Variants in GABRA5 observed in about 807,000 individuals in gnomAD.
The protein encoded by GABRA5 is gamma-aminobutyric acid receptor subunit alpha-5.
A neutral mutation model predicts 47.3 loss-of-function variants in GABRA5; 18 were observed. The ratio of observed to expected loss-of-function variants is 0.38; its 90% confidence interval spans 0.26 to 0.56. The LOEUF is 0.56. Ranked by LOEUF, GABRA5 falls within the 20% of genes least tolerant of loss-of-function variation. The pLI, the probability that GABRA5 is intolerant of heterozygous loss-of-function variation, is 0.71. For synonymous variants in GABRA5, 237 were observed against 229.3 expected (o/e 1.03, Z -0.30); for missense variants, 365 against 599.3 (o/e 0.61, Z 4.08).
At chr15:26,933,673 G>T (rs1894162888) in intron 7 of GABRA5, among the ~76,000 whole-genome samples, 2 of 152,128 alleles carry the variant, frequency 1.3e-5, no homozygotes, top group Non-Finnish European at 2.9e-5. Flanking sequence ...TGATGGGAGT[G>T]TATCTTCACT....
At chr15:26,931,249 T>C (rs1421602628) in intron 7 of GABRA5, among the ~76,000 whole-genome samples, 1 of 152,122 alleles carries the variant, frequency 6.6e-6, no homozygotes, top group Admixed American at 6.5e-5. Context: ...ATACCAAATA[T>C]TGGGTAGCTC....
chr15:26,948,343 T>G lies in GABRA5; in HGVS notation c.*110T>G. The G allele has an allele frequency of 2.0e-6, 2 of 1,003,656 alleles. No homozygotes were observed. The highest frequency in any genetic ancestry group is 1.7e-5 in the South Asian group (1 of 57,250). 62.2% of individuals were successfully genotyped at this position (1,003,656 alleles called of 1,614,324 possible). A position where few individuals can be genotyped will look rare whatever the true frequency, so the allele number is the denominator to read the frequency against. On this transcript the variant is annotated 3_prime_UTR_variant, in exon 11 of 11. Coordinates refer to ENST00000335625, the MANE Select transcript of GABRA5 (RefSeq NM_000810.4). ...ATGTGAGCACTATCTTTCAGGAAAT[T>G]TTTGCATGTTTAATAATATGTACAA... is the stretch of plus-strand genomic sequence containing the variant.
chr15:26,912,470 A>G (rs977578356), intron 6 of GABRA5, among the ~76,000 whole-genome samples: 10 of 152,214 alleles, frequency 6.6e-5, no homozygotes, highest in Non-Finnish European at 1.2e-4. Flanking sequence ...CCTAATTCCA[A>G]TAAGTTTTTT....
intron 8 of GABRA5, chr15:26,939,493 G>A (rs563174099): frequency 2.1e-5 from 15 of 723,022 alleles, no homozygotes; most frequent in African/African-American, 3.4e-5. Context: ...GGGAGTGGTC[G>A]TCTCACCTCC....
chr15:26,937,155 T>A, intron 7 of GABRA5, 30 bp from the exon 8 acceptor site: 1 of 1,612,814 alleles, frequency 6.2e-7, no homozygotes, highest in Non-Finnish European at 8.5e-7. Flanking sequence ...ATTTCATGTT[T>A]ATGTCACTTT....
At chr15:26,907,100 G>A (rs1252496405) in intron 6 of GABRA5, among the ~76,000 whole-genome samples, 1 of 151,932 alleles carries the variant, frequency 6.6e-6, no homozygotes, top group East Asian at 1.9e-4. Flanking sequence ...CTACATTCAG[G>A]GATACAAAAG....
At chr15:26,884,049 C>A (rs1052452422) in intron 6 of GABRA5, among the ~76,000 whole-genome samples, 2 of 151,656 alleles carry the variant, frequency 1.3e-5, no homozygotes, top group African/African-American at 4.8e-5. Context: ...TTCACCCAGG[C>A]GAGGAGGCAT....
chr15:26,894,004 G>A (rs1893109417), intron 6 of GABRA5, among the ~76,000 whole-genome samples: 1 of 152,030 alleles, frequency 6.6e-6, no homozygotes, highest in Non-Finnish European at 1.5e-5. Context: ...GGGCCTCCAG[G>A]AGTGTTAGGT....
chr15:26,943,888 T>C (rs1040658297), intron 10 of GABRA5, among the ~76,000 whole-genome samples: 2 of 152,092 alleles, frequency 1.3e-5, no homozygotes, highest in Non-Finnish European at 2.9e-5. Context: ...TAAATTGTTG[T>C]GAAAGCATTA....
chr15:26,893,525 G>A (rs1893094002), intron 6 of GABRA5, among the ~76,000 whole-genome samples: 1 of 49,564 alleles, frequency 2.0e-5, no homozygotes, highest in Non-Finnish European at 4.6e-5. Flanking sequence ...GTGTGGATCT[G>A]ATGGGAGCAG....
intron 7 of GABRA5, among the ~76,000 whole-genome samples, chr15:26,934,033 G>C (rs550142553): frequency 1.3e-5 from 2 of 151,862 alleles, no homozygotes; most frequent in Admixed American, 1.3e-4. Context: ...CGGGTGTATC[G>C]CTTGAGGCCA....
At chr15:26,886,654 T>C (rs982983441) in intron 6 of GABRA5, among the ~76,000 whole-genome samples, 1 of 152,178 alleles carries the variant, frequency 6.6e-6, no homozygotes, top group Admixed American at 6.5e-5. Context: ...TCCACCACAT[T>C]TGAAAATTCG....
chr15:26,871,800 T>C (rs551088661), intron 3 of GABRA5, among the ~76,000 whole-genome samples: 55 of 152,372 alleles, frequency 3.6e-4, no homozygotes, highest in Non-Finnish European at 6.3e-4. Flanking sequence ...TTGTGTTAGC[T>C]TCTTCCCTAA....
intron 6 of GABRA5, among the ~76,000 whole-genome samples, chr15:26,914,041 G>A (rs979076873): frequency 3.3e-5 from 5 of 152,160 alleles, no homozygotes; most frequent in African/African-American, 1.2e-4. Flanking sequence ...AGTCAATGCA[G>A]GTAGAATCCC....
chr15:26,931,950 C>T (rs1012162783), intron 7 of GABRA5, among the ~76,000 whole-genome samples: 23 of 152,080 alleles, frequency 1.5e-4, no homozygotes, highest in Non-Finnish European at 3.2e-4. Flanking sequence ...CTCCCTTACA[C>T]CTTATACAAA....
rs557716793 is a variant in GABRA5, at chr15:26,875,833, A to G, written c.87-5013A>G. On this transcript the variant is annotated intron_variant, in intron 3 of 10. Coordinates refer to ENST00000335625, the MANE Select transcript of GABRA5 (RefSeq NM_000810.4). Reference sequence around the variant, plus strand: ...CAGAGAGGGCCACTGAGTGGTTTTGAGTAGGTTTGAAACATGATCCAATTT... The same window carrying G: ...CAGAGAGGGCCACTGAGTGGTTTTGGGTAGGTTTGAAACATGATCCAATTT... Among the ~76,000 whole-genome samples, 283 of 151,900 alleles carry G rather than the reference A, an allele frequency of 1.9e-3. 2 individuals carry two copies. The highest frequency in any genetic ancestry group is 6.6e-3 in the African/African-American group (274 of 41,304).
chr15:26,898,325 T>C (rs531126802), intron 6 of GABRA5, among the ~76,000 whole-genome samples: 3 of 152,314 alleles, frequency 2.0e-5, no homozygotes, highest in African/African-American at 7.2e-5. Context: ...CAGGTGGGCT[T>C]CTGAGTGTCA....
chr15:26,930,762 C>G (rs1894081821), intron 7 of GABRA5, among the ~76,000 whole-genome samples: 1 of 152,136 alleles, frequency 6.6e-6, no homozygotes, highest in South Asian at 2.1e-4. Flanking sequence ...CTCTTCCAGC[C>G]TCTACCCATA....
chr15:26,893,808 G>C (rs1274927484), intron 6 of GABRA5, among the ~76,000 whole-genome samples: 1 of 152,076 alleles, frequency 6.6e-6, no homozygotes, highest in South Asian at 2.1e-4. Context: ...TGCGAAGGTG[G>C]AGAGGCTGGG....
Sources: allele counts gnomAD v4.1 joint callset (sites outside exome capture counted in the v4.1 genomes callset), GRCh38; gene constraint gnomAD v4.1.1; transcripts MANE v1.5; gene names NCBI Gene and HGNC (gene_info 2026-07-23, HGNC 2026-07-21).